The following LMBRD1 variants were observed in gnomAD, a reference collection of about 807,000 sequenced individuals.
LMBRD1 encodes lysosomal cobalamin transport escort protein LMBD1.
A neutral mutation model predicts 74.8 loss-of-function variants in LMBRD1; 64 were observed. The ratio of observed to expected loss-of-function variants is 0.86; its 90% CI spans 0.70 to 1.05. LMBRD1 has a LOEUF of 1.05. LMBRD1 is among the 50% of genes least tolerant of loss of function. LMBRD1 has a pLI of 0.00. For missense variants in LMBRD1, 652 were observed against 645.9 expected, an observed-to-expected ratio of 1.01 and a Z score of -0.10; for synonymous variants, 204 against 216.3, an observed-to-expected ratio of 0.94 and a Z score of 0.50.
At chr6:69,765,256 T>C (rs1015434970) in intron 3 of LMBRD1, among the ~76,000 whole-genome samples, 3 of 152,252 alleles carry the variant, frequency 2.0e-5, no homozygotes, top group East Asian at 1.9e-4. Context: ...AAAAGTATTA[T>C]ACTTTTACAG....
chr6:69,766,349 T>G (rs1311316190), intron 3 of LMBRD1, among the ~76,000 whole-genome samples: 1 of 151,924 alleles, frequency 6.6e-6, no homozygotes, highest in Non-Finnish European at 1.5e-5. Flanking sequence ...CTGTAACTAT[T>G]TTGCTGATAA....
rs112183273 is a variant in LMBRD1 at position 69,706,610 on chromosome 6, C to G, written c.916-4657G>C. 8.1e-4 allele frequency among the ~76,000 whole-genome samples: 124 copies of G among 152,206 alleles called. 1 individual carries two copies. Among genetic ancestry groups the G allele is most frequent in the African/African-American group, 2.9e-3 (121 of 41,536 alleles). On this transcript the variant is annotated intron_variant, in intron 9 of 15. Coordinates refer to ENST00000649934, the MANE Select transcript of LMBRD1 (RefSeq NM_018368.4). The stretch of plus-strand genomic sequence containing the variant: ...TTTAAAAGTTGTAAGTTATACCTTA[C>G]TGATTATTAGGTCTTCTATATTCTT...
At chr6:69,710,100 C>T (rs1435326703) in intron 9 of LMBRD1, among the ~76,000 whole-genome samples, 1 of 151,950 alleles carries the variant, frequency 6.6e-6, no homozygotes, top group Admixed American at 6.6e-5. Context: ...ATTTATACTA[C>T]CTAACTTCAT....
chr6:69,772,784 T>A (rs548710422), intron 3 of LMBRD1, among the ~76,000 whole-genome samples: 48 of 152,310 alleles, frequency 3.2e-4, no homozygotes, highest in Middle Eastern at 6.8e-3. Context: ...AATATATTAT[T>A]AGAGATGTTT....
At chr6:69,724,103 C>T (rs1022708337) in intron 7 of LMBRD1, among the ~76,000 whole-genome samples, 2 of 151,652 alleles carry the variant, frequency 1.3e-5, no homozygotes, top group African/African-American at 4.8e-5. Flanking sequence ...CAAACTTGAA[C>T]CATGAAGAAA....
intron 1 of LMBRD1, among the ~76,000 whole-genome samples, chr6:69,790,977 ATAATT>A (rs901286309): frequency 6.6e-6 from 1 of 152,210 alleles, no homozygotes; most frequent in Non-Finnish European, 1.5e-5. Flanking sequence ...ACATTATACT[ATAATT>A]TAAATTTTAA....
chr6:69,779,626 G>A (rs1030192506), intron 3 of LMBRD1, among the ~76,000 whole-genome samples: 1 of 151,998 alleles, frequency 6.6e-6, no homozygotes, highest in Non-Finnish European at 1.5e-5. Context: ...AACAGGAGTG[G>A]GAAATTGGTA....
intron 5 of LMBRD1, among the ~76,000 whole-genome samples, chr6:69,743,815 C>T (rs568113580): frequency 1.9e-4 from 29 of 152,250 alleles, no homozygotes; most frequent in African/African-American, 6.7e-4. Context: ...CACTGATGAA[C>T]CAGGCTTTCC....
intron 3 of LMBRD1, among the ~76,000 whole-genome samples, chr6:69,774,956 AGG>A (rs1377254906): frequency 1.5e-4 from 4 of 26,804 alleles, no homozygotes; most frequent in African/African-American, 5.7e-4. Context: ...GATGGAAGGA[AGG>A]AAGGAAGGAA....
chr6:69,694,306 C>G (rs999117991), intron 14 of LMBRD1, among the ~76,000 whole-genome samples: 23 of 152,104 alleles, frequency 1.5e-4, no homozygotes, highest in Non-Finnish European at 3.1e-4. Flanking sequence ...TATTTTAGAC[C>G]TTCAAGGTCA....
chr6:69,701,983 T>C (rs372123132), intron 9 of LMBRD1, 30 bp from the exon 10 acceptor site: 5 of 1,376,588 alleles, frequency 3.6e-6, no homozygotes, highest in African/African-American at 2.9e-5. Context: ...CATTAAAATA[T>C]AGTTCTAAAA....
At chr6:69,681,919 T>A (rs1208215895) in intron 14 of LMBRD1, among the ~76,000 whole-genome samples, 2 of 151,698 alleles carry the variant, frequency 1.3e-5, no homozygotes, top group African/African-American at 2.4e-5. Flanking sequence ...ATAACAAGAG[T>A]GGAGTACAGA....
chr6:69,753,565 C>G (rs1490238598), intron 3 of LMBRD1, among the ~76,000 whole-genome samples: 1 of 152,146 alleles, frequency 6.6e-6, no homozygotes, highest in Non-Finnish European at 1.5e-5. Flanking sequence ...TACATATGAT[C>G]CAGCAATTCT....
At chr6:69,776,863 T>C (rs1765715701) in intron 3 of LMBRD1, among the ~76,000 whole-genome samples, 1 of 152,162 alleles carries the variant, frequency 6.6e-6, no homozygotes, top group Admixed American at 6.5e-5. Context: ...TTATTTAAAA[T>C]GTCCCCAGTG....
intron 2 of LMBRD1, among the ~76,000 whole-genome samples, chr6:69,788,520 A>G (rs550260106): frequency 2.3e-4 from 35 of 152,308 alleles, no homozygotes; most frequent in African/African-American, 7.2e-4. Context: ...GAAATTAAAC[A>G]TTTTTATAGA....
At chr6:69,712,366 A>T (rs143703282) in intron 9 of LMBRD1, among the ~76,000 whole-genome samples, 1,566 of 152,290 alleles carry the variant, frequency 0.01, 33 homozygotes, top group African/African-American at 0.036. Flanking sequence ...TTCCATGTCA[A>T]ATAATATCTT....
chr6:69,796,731 C>A, intron 1 of LMBRD1, 82 bp downstream of exon 1: 1 of 1,310,100 alleles, frequency 7.6e-7, no homozygotes. Context: ...GTCTCCGGGG[C>A]CCGGAGAGGC....
intron 5 of LMBRD1, 116 bp from the exon 6 acceptor site, chr6:69,741,993 C>T: frequency 1.6e-6 from 1 of 636,158 alleles, no homozygotes; most frequent in Non-Finnish European, 2.7e-6. Context: ...CTGTACTATG[C>T]ACAGAGGGGA....
chr6:69,716,609 C>T (rs868281034), intron 8 of LMBRD1, among the ~76,000 whole-genome samples: 62 of 152,144 alleles, frequency 4.1e-4, no homozygotes, highest in Middle Eastern at 6.8e-3. Flanking sequence ...CTGAGATAGT[C>T]TGATTTTACA....
Sources: allele counts gnomAD v4.1 joint callset (sites outside exome capture counted in the v4.1 genomes callset), GRCh38; gene constraint gnomAD v4.1.1; transcripts MANE v1.5; gene names NCBI Gene and HGNC (gene_info 2026-07-23, HGNC 2026-07-21).